CADPS: variants seen among roughly 807,000 people sequenced by gnomAD.
The protein encoded by CADPS is calcium-dependent secretion activator 1.
Under a neutral mutation model 167.3 loss-of-function variants are expected in CADPS, and 57 were observed. That is an observed-to-expected ratio of 0.34 (90% confidence interval 0.28 to 0.42). The LOEUF is 0.42. Ranked by LOEUF, CADPS falls within the 20% of genes least tolerant of loss-of-function variation. The probability of loss-of-function intolerance (pLI) is 1.00; values close to 1 mark genes in which losing one functional copy is unlikely to be tolerated. For missense variants in CADPS, 1,414 were observed against 1,738.1 expected, an observed-to-expected ratio of 0.81 and a Z score of 3.32; for synonymous variants, 676 against 635.3, an observed-to-expected ratio of 1.06 and a Z score of -0.96.
At chr3:62,731,004 G>T (rs1445141059) in intron 3 of CADPS, among the ~76,000 whole-genome samples, 5 of 152,190 alleles carry the variant, frequency 3.3e-5, no homozygotes, top group African/African-American at 7.2e-5. Flanking sequence ...CATGATTAGA[G>T]ATATAACTAT....
intron 7 of CADPS, among the ~76,000 whole-genome samples, chr3:62,586,097 A>G (rs1255623131): frequency 1.3e-5 from 2 of 152,202 alleles, no homozygotes; most frequent in Admixed American, 6.5e-5. Flanking sequence ...CGGAGTTCTC[A>G]GGAGACACAT....
chr3:62,550,260 T>C (rs2077111591), intron 10 of CADPS, 145 bp from the exon 11 acceptor site: 2 of 634,540 alleles, frequency 3.2e-6, no homozygotes, highest in Non-Finnish European at 5.6e-6. Context: ...AAGTCTGAGA[T>C]TCACTTGTCC....
intron 6 of CADPS, among the ~76,000 whole-genome samples, chr3:62,639,270 C>G (rs991252896): frequency 6.6e-6 from 1 of 152,158 alleles, no homozygotes; most frequent in Non-Finnish European, 1.5e-5. Context: ...AGAAATTAAA[C>G]CTTTTTCTGG....
intron 3 of CADPS, among the ~76,000 whole-genome samples, chr3:62,739,474 G>T (rs1263245025): frequency 6.6e-6 from 1 of 152,138 alleles, no homozygotes; most frequent in Admixed American, 6.5e-5. Flanking sequence ...AACCCATACA[G>T]GTATTCTCAC....
rs930570873 is a variant in CADPS at position 62,780,161 on chromosome 3, C to T, written c.442-14177G>A. The stretch of plus-strand genomic sequence containing the variant: ...ATGCTGGGATTACAGGCGTGAGCCA[C>T]TGTGCCTGGCCTCAGGGGTATTTTC... On this transcript the variant is annotated intron_variant, in intron 1 of 29. Transcript: ENST00000383710. 2.0e-5 allele frequency among the ~76,000 whole-genome samples: 3 copies of T among 152,174 alleles called. No individual in the cohort carries two copies. In the South Asian group the frequency reaches 6.2e-4, roughly 31 times the overall value.
At chr3:62,749,961 AGTTG>A (rs2082329994) in intron 3 of CADPS, among the ~76,000 whole-genome samples, 1 of 152,204 alleles carries the variant, frequency 6.6e-6, no homozygotes, top group Non-Finnish European at 1.5e-5. Context: ...CTATTTTAAT[AGTTG>A]GGTTTCACTT....
At chr3:62,589,364 G>A (rs2085410620) in intron 7 of CADPS, among the ~76,000 whole-genome samples, 1 of 152,250 alleles carries the variant, frequency 6.6e-6, no homozygotes, top group Non-Finnish European at 1.5e-5. Context: ...TTGGCACAAA[G>A]GAGGGGTAAA....
At chr3:62,847,038 A>G (rs2077567885) in intron 1 of CADPS, among the ~76,000 whole-genome samples, 1 of 152,308 alleles carries the variant, frequency 6.6e-6, no homozygotes, top group Admixed American at 6.5e-5. Context: ...AAACCACTTT[A>G]GTCATTATCC....
intron 3 of CADPS, among the ~76,000 whole-genome samples, chr3:62,721,803 T>A (rs1378829864): frequency 6.7e-6 from 1 of 148,632 alleles, no homozygotes; most frequent in Non-Finnish European, 1.5e-5. Flanking sequence ...GTGAAGTAGG[T>A]ACTATTTTAA....
At chr3:62,796,754 C>T (rs1288106560) in intron 1 of CADPS, among the ~76,000 whole-genome samples, 1 of 152,040 alleles carries the variant, frequency 6.6e-6, no homozygotes, top group African/African-American at 2.4e-5. Flanking sequence ...AGCATATTTG[C>T]AGATAAGCCA....
chr3:62,732,873 A>C (rs995487707), intron 3 of CADPS, among the ~76,000 whole-genome samples: 3 of 152,190 alleles, frequency 2.0e-5, no homozygotes, highest in African/African-American at 7.2e-5. Flanking sequence ...TGAGGTTCAG[A>C]GAGGGTAAGA....
chr3:62,564,912 A>T (rs984954586), intron 9 of CADPS, among the ~76,000 whole-genome samples: 1 of 152,160 alleles, frequency 6.6e-6, no homozygotes, highest in South Asian at 2.1e-4. Context: ...GGCACCAGAA[A>T]TCTTTTGATC....
chr3:62,632,819 T>C (rs2065546739), intron 6 of CADPS, among the ~76,000 whole-genome samples: 1 of 152,144 alleles, frequency 6.6e-6, no homozygotes, highest in South Asian at 2.1e-4. Context: ...TGTCAGCATG[T>C]AACATTCTGT....
rs145330043 is a variant in CADPS, at chr3:62,745,685, C to T, written c.888+7756G>A. 7.2e-5 allele frequency among the ~76,000 whole-genome samples: 11 copies of T among 152,312 alleles called. No homozygotes were observed. The East Asian group carries it at 2.1e-3, about 29-fold the overall frequency. Reference sequence around the variant, plus strand: ...TGAATACTGAAGACCTGTGACACTGCTGCACTTTGTTGAACCAGAAAAAAA... The same window carrying T: ...TGAATACTGAAGACCTGTGACACTGTTGCACTTTGTTGAACCAGAAAAAAA... On this transcript the variant is annotated intron_variant, in intron 3 of 29. Transcript: ENST00000383710.
At chr3:62,616,133 G>A (rs997366643) in intron 6 of CADPS, among the ~76,000 whole-genome samples, 4 of 151,998 alleles carry the variant, frequency 2.6e-5, no homozygotes, top group South Asian at 2.1e-4. Flanking sequence ...ATCAATCATC[G>A]AAGAAAATTC....
chr3:62,628,635 T>TC (rs2064609098), intron 6 of CADPS, among the ~76,000 whole-genome samples: 1 of 150,622 alleles, frequency 6.6e-6, no homozygotes, highest in East Asian at 2.0e-4. Flanking sequence ...CTTTTTTTTT[T>TC]CTTTTTTCTT....
At chr3:62,745,114 G>T (rs2081175152) in intron 3 of CADPS, among the ~76,000 whole-genome samples, 1 of 151,908 alleles carries the variant, frequency 6.6e-6, no homozygotes, top group Admixed American at 6.5e-5. Flanking sequence ...ACAGGGTCTT[G>T]CTCTGTCACC....
intron 11 of CADPS, among the ~76,000 whole-genome samples, chr3:62,546,732 T>C (rs1432788333): frequency 6.6e-6 from 1 of 152,178 alleles, no homozygotes; most frequent in Non-Finnish European, 1.5e-5. Context: ...TTACAGAGCA[T>C]TTGCATTATA....
intron 6 of CADPS, among the ~76,000 whole-genome samples, chr3:62,604,444 CG>C (rs1340456158): frequency 2.0e-5 from 3 of 152,140 alleles, no homozygotes; most frequent in African/African-American, 7.2e-5. Flanking sequence ...ACTGGAAGTC[CG>C]GCTGAGCCTG....
Sources: allele counts gnomAD v4.1 joint callset (sites outside exome capture counted in the v4.1 genomes callset), GRCh38; gene constraint gnomAD v4.1.1; transcripts MANE v1.5; gene names NCBI Gene and HGNC (gene_info 2026-07-23, HGNC 2026-07-21).